Variants in HUWE1 observed in about 807,000 individuals in gnomAD.
HUWE1 encodes HECT, UBA and WWE domain containing E3 ubiquitin protein ligase 1.
HUWE1 carries 18 observed loss-of-function variants against 299.4 expected under a neutral mutation model. That is an observed-to-expected ratio of 0.06 (90% CI 0.04 to 0.09). The LOEUF is 0.09. Among genes scored for constraint, HUWE1 ranks in the 10% least tolerant of loss-of-function variants. The pLI, the probability that HUWE1 is intolerant of heterozygous loss-of-function variation, is 1.00. For synonymous variants in HUWE1, 1,317 were observed against 1,286.1 expected (o/e 1.02, Z -0.51); for missense variants, 1,832 against 3,462.3 (o/e 0.53, Z 11.82).
intron 23 of HUWE1, among the ~76,000 whole-genome samples, chrX:53,611,765 C>T (rs1314939702): frequency 9.2e-6 from 1 of 108,340 alleles, no homozygotes; most frequent in African/African-American, 3.4e-5. Context: ...GGCTAAGGAC[C>T]GAGAACTGCT....
chrX:53,545,617 G>A (rs2061512031), intron 70 of HUWE1, among the ~76,000 whole-genome samples: 1 of 111,835 alleles, frequency 8.9e-6, no homozygotes, highest in African/African-American at 3.3e-5. Context: ...AGAGTGCCTA[G>A]ACAGTGCCTG....
Position 53,680,567 on chromosome X carries a change from A to G in HUWE1, c.-162-381T>C, listed in dbSNP as rs914533453. On this transcript the variant is annotated intron_variant, in intron 2 of 83. Coordinates refer to ENST00000262854, the MANE Select transcript of HUWE1 (RefSeq NM_031407.7). ...TAAAAATTATTCTTCACCTTCATAC[A>G]TGCTTTTTGGCCATATTGGGAGACA... 2.7e-5 allele frequency: 3 copies of G among 112,740 alleles called. No individual in the cohort carries two copies. The Admixed American group carries it at 2.8e-4, about 11-fold the overall frequency. The allele number at this position is 112,740 out of a possible 1,213,427, so 9.3% of individuals were successfully genotyped here.
At position 53,589,682 on chromosome X, in the gene HUWE1, A is replaced by G; in HGVS notation, c.4326T>C (p.Thr1442=). The change falls in exon 36 of 84, where the codon ACT becomes ACC. Residue 1442 remains threonine, a synonymous_variant. Coordinates refer to ENST00000262854, the MANE Select transcript of HUWE1 (RefSeq NM_031407.7). ...GAAGGTGGAAGCAGCCTGGCAACAT[A>G]GTATCTGTGAAAGTGTGGAGCTCAT... ...EQDELHTFTD[T]MLPGCFHLLD... 1 of 1,211,762 alleles carries G rather than the reference A, an allele frequency of 8.3e-7. No individual in the cohort carries two copies. Among genetic ancestry groups the G allele is most frequent in the Non-Finnish European group, 1.1e-6 (1 of 895,512 alleles).
chrX:53,630,710 C>G (rs1557021979), intron 12 of HUWE1, among the ~76,000 whole-genome samples: 1 of 108,943 alleles, frequency 9.2e-6, no homozygotes, highest in African/African-American at 3.3e-5. Context: ...AAGAATAAAC[C>G]CAGGTGACAT....
intron 23 of HUWE1, among the ~76,000 whole-genome samples, chrX:53,612,507 A>G (rs781949364): frequency 8.9e-6 from 1 of 112,188 alleles, no homozygotes; most frequent in South Asian, 3.7e-4. Context: ...AAGGCTCTTT[A>G]TTCATTTCAA....
intron 7 of HUWE1, among the ~76,000 whole-genome samples, chrX:53,634,783 G>T (rs1267315328): frequency 2.7e-5 from 3 of 112,207 alleles, no homozygotes; most frequent in African/African-American, 9.7e-5. Context: ...GACATGAGCT[G>T]AGTTACAAAG....
At chrX:53,644,602 G>A (rs1300970649) in intron 7 of HUWE1, among the ~76,000 whole-genome samples, 7 of 112,181 alleles carry the variant, frequency 6.2e-5, no homozygotes, top group Non-Finnish European at 1.3e-4. Flanking sequence ...CAGAATACAT[G>A]TTATATTTAT....
chrX:53,638,052 G>A (rs2067329955), intron 7 of HUWE1, among the ~76,000 whole-genome samples: 1 of 111,305 alleles, frequency 9.0e-6, no homozygotes, highest in African/African-American at 3.3e-5. Context: ...AAACGAACAT[G>A]ACCATGCTCA....
intron 17 of HUWE1, among the ~76,000 whole-genome samples, chrX:53,626,946 C>T (rs902157931): frequency 7.2e-5 from 8 of 111,209 alleles, no homozygotes; most frequent in Non-Finnish European, 1.5e-4. Context: ...ACCCAACAAC[C>T]TTTTTACCTC....
intron 7 of HUWE1, among the ~76,000 whole-genome samples, chrX:53,638,682 C>A (rs1255978246): frequency 8.9e-6 from 1 of 112,045 alleles, no homozygotes; most frequent in African/African-American, 3.2e-5. Flanking sequence ...AATTCTGAGG[C>A]CCACTCCAAG....
In HUWE1 at chrX:53,575,752, T is replaced by A. The variant is rs781977690; in HGVS notation, c.5921A>T (p.Gln1974Leu). The A allele has an allele frequency of 8.3e-7, 1 of 1,211,898 alleles. No homozygotes were observed. Among genetic ancestry groups the A allele is most frequent in the Non-Finnish European group, 1.1e-6 (1 of 895,306 alleles). Residue 1974 changes from glutamine (Q) to leucine (L), a missense_variant, in exon 45 of 84, where the codon CAA (glutamine) becomes CTA (leucine). Transcript: ENST00000262854. ...GTCTTGCAGGAGCTGGCCAACCTCT[T>A]GGGTCATAACCCCAGGTTTAGGATC... The part of the protein sequence containing the change: ...KSDPKPGVMT[Q>L]EVGQLLQDMG...
chrX:53,572,817 T>G (rs1221926534), intron 47 of HUWE1, among the ~76,000 whole-genome samples: 1 of 111,956 alleles, frequency 8.9e-6, no homozygotes, highest in African/African-American at 3.3e-5. Flanking sequence ...CTTATTTATA[T>G]GGTTTATTCA....
intron 49 of HUWE1, among the ~76,000 whole-genome samples, chrX:53,567,927 C>T (rs1205334304): frequency 9.0e-6 from 1 of 111,722 alleles, no homozygotes; most frequent in Non-Finnish European, 1.9e-5. Flanking sequence ...GCCTCTAGAT[C>T]TAACTAGAAG....
At chrX:53,672,293 C>T (rs1557049694) in intron 3 of HUWE1, among the ~76,000 whole-genome samples, 2 of 103,215 alleles carry the variant, frequency 1.9e-5, no homozygotes, top group East Asian at 6.1e-4. Flanking sequence ...GACAGAGTCT[C>T]ACTCTGTCGC....
intron 25 of HUWE1, among the ~76,000 whole-genome samples, chrX:53,606,724 C>T (rs1375473431): frequency 3.6e-5 from 4 of 111,473 alleles, no homozygotes; most frequent in African/African-American, 6.5e-5. Flanking sequence ...AAAAGCCGGT[C>T]GCACATACAA....
intron 31 of HUWE1, among the ~76,000 whole-genome samples, chrX:53,594,122 C>CA (rs1326209657): frequency 9.1e-5 from 10 of 110,392 alleles, no homozygotes; most frequent in South Asian, 7.5e-4. Flanking sequence ...CAAAACAAAA[C>CA]AAAAAAAACA....
At chrX:53,580,782 T>A in intron 43 of HUWE1, 49 bp downstream of exon 43, 1 of 1,151,187 alleles carries the variant, frequency 8.7e-7, no homozygotes. Context: ...TCTGGATTTA[T>A]ACCAGGCCAC....
Position 53,558,746 on chromosome X carries a change from C to T in HUWE1, c.8069G>A (p.Arg2690Gln), listed in dbSNP as rs1285515595. Residue 2690 changes from arginine (R) to glutamine (Q), a missense_variant, in exon 59 of 84, where the codon CGA becomes CAA. Arg to Gln is a conservative substitution (Grantham distance 43). Transcript: ENST00000262854. ...AGCCAGTTGTTTCCTGCGCTTCTCTCGCCTTTCTTCCAGCTCCTCATCCCT... is the reference window on the plus strand; with the variant it reads ...AGCCAGTTGTTTCCTGCGCTTCTCTTGCCTTTCTTCCAGCTCCTCATCCCT... ...FLRDEELEER[R>Q]EKRRKQLAEE... The T allele has an allele frequency of 5.0e-6, 6 of 1,208,979 alleles. No individual in the cohort carries two copies. Among genetic ancestry groups the T allele is most frequent in the Non-Finnish European group, 6.7e-6 (6 of 894,213 alleles).
chrX:53,604,232 T>C (rs1465435626), intron 26 of HUWE1, among the ~76,000 whole-genome samples: 1 of 112,069 alleles, frequency 8.9e-6, no homozygotes, highest in Non-Finnish European at 1.9e-5. Flanking sequence ...TTTTAGTAAT[T>C]TGTTAATTAC....
Sources: allele counts gnomAD v4.1 joint callset (sites outside exome capture counted in the v4.1 genomes callset), GRCh38; gene constraint gnomAD v4.1.1; transcripts MANE v1.5; gene names NCBI Gene and HGNC (gene_info 2026-07-23, HGNC 2026-07-21).